SUN3: variants seen among roughly 807,000 people sequenced by gnomAD.
The protein encoded by SUN3 is Sad1 and UNC84 domain containing 3.
In SUN3, 36 loss-of-function variants were observed where a neutral mutation model predicts 48.2. That is an observed-to-expected ratio of 0.75 (90% CI 0.57 to 0.99). The LOEUF is 0.99. SUN3 is among the 50% of genes least tolerant of loss of function. The pLI, the probability that SUN3 is intolerant of heterozygous loss-of-function variation, is 0.00. For synonymous variants in SUN3, 148 were observed against 147.9 expected (o/e 1.00, Z 0.00); for missense variants, 419 against 433.1 (o/e 0.97, Z 0.29).
intron 6 of SUN3, among the ~76,000 whole-genome samples, chr7:48,005,324 C>T (rs918608849): frequency 6.6e-6 from 1 of 152,196 alleles, no homozygotes; most frequent in Non-Finnish European, 1.5e-5. Flanking sequence ...TCATGCTGTT[C>T]CAAATGCTCT....
chr7:48,011,970 T>A (rs1459006907), intron 3 of SUN3, among the ~76,000 whole-genome samples: 1 of 152,212 alleles, frequency 6.6e-6, no homozygotes, highest in Admixed American at 6.5e-5. Context: ...GGCAGGCCAA[T>A]GGCCAAAATT....
the SUN3 span, chr7:48,035,696 C>A: frequency 1.7e-6 from 1 of 597,988 alleles, no homozygotes; most frequent in Non-Finnish European, 3.0e-6. This position sits in a 1 kb window ranked among gnomAD's most constrained non-coding sequence, Gnocchi z 4.0. Context: ...GTCCACTGTG[C>A]GGAGCTCGCA....
At chr7:48,035,305 C>A in the SUN3 span, among the ~76,000 whole-genome samples, 3 of 152,184 alleles carry the variant, frequency 2.0e-5, no homozygotes, top group African/African-American at 4.8e-5. The surrounding 1 kb of genome is among the most constrained non-coding windows in gnomAD (Gnocchi z 4.0). Flanking sequence ...GCTCCCACCC[C>A]CGCTGCGTCC....
rs1451629609 is a variant in SUN3 at position 47,988,865 on chromosome 7, A to G, written c.877T>C (p.Cys293Arg). 1 of 1,603,762 alleles carries G rather than the reference A, an allele frequency of 6.2e-7. No individual in the cohort carries two copies. The highest frequency in any genetic ancestry group is 8.5e-7 in the Non-Finnish European group (1 of 1,173,194). Residue 293 changes from cysteine to arginine, a missense_variant, in exon 9 of 10, where the codon TGT becomes CGT. Cys to Arg is a radical substitution (Grantham distance 180). Coordinates refer to ENST00000297325, the MANE Select transcript of SUN3 (RefSeq NM_001030019.2). ...CCTAGGAAAATTTCTTCTCCTTCACATTTTTTTGTGATGCCCTATAAAGAA... is the reference window on the plus strand; with the variant it reads ...CCTAGGAAAATTTCTTCTCCTTCACGTTTTTTTGTGATGCCCTATAAAGAA... The part of the protein sequence containing the change: ...EFSVYGITKK[C>R]EGEEIFLGQF...
the SUN3 span, among the ~76,000 whole-genome samples, chr7:48,034,306 C>CA: frequency 6.6e-6 from 1 of 152,000 alleles, no homozygotes; most frequent in African/African-American, 2.4e-5. Context: ...AATTCCTGCA[C>CA]AAAAACTATC....
At chr7:48,000,002 CTT>C (rs1450267731) in intron 6 of SUN3, 1 of 152,258 alleles carries the variant, frequency 6.6e-6, no homozygotes, top group African/African-American at 2.4e-5. Flanking sequence ...CACCCACTGA[CTT>C]TTCCTTTATG....
At chr7:47,993,893 G>T (rs1425461585) in intron 8 of SUN3, among the ~76,000 whole-genome samples, 1 of 152,134 alleles carries the variant, frequency 6.6e-6, no homozygotes, top group Non-Finnish European at 1.5e-5. Context: ...AAGTGCCATG[G>T]AAAAGAGTTA....
intron 2 of SUN3, among the ~76,000 whole-genome samples, chr7:48,018,106 C>T (rs1789863902): frequency 6.6e-6 from 1 of 152,164 alleles, no homozygotes; most frequent in South Asian, 2.1e-4. Context: ...TACTGGGTTG[C>T]ACCTCTGGTG....
intron 2 of SUN3, among the ~76,000 whole-genome samples, chr7:48,022,286 G>A (rs1440851824): frequency 6.6e-6 from 1 of 152,090 alleles, no homozygotes; most frequent in Non-Finnish European, 1.5e-5. Flanking sequence ...TAGTGTCGAA[G>A]ATGGAGGAGG....
chr7:48,011,084 C>A (rs78356056), intron 3 of SUN3, among the ~76,000 whole-genome samples: 3 of 152,094 alleles, frequency 2.0e-5, no homozygotes, highest in African/African-American at 7.3e-5. Context: ...TAATCTAGGA[C>A]GATTTGATCT....
the SUN3 span, chr7:48,035,549 G>T: frequency 1.4e-6 from 1 of 698,426 alleles, no homozygotes; most frequent in South Asian, 1.5e-5. This position sits in a 1 kb window ranked among gnomAD's most constrained non-coding sequence, Gnocchi z 4.0. Context: ...GTTTGGGTTT[G>T]GTTGGCTGCA....
At chr7:47,998,650 TA>T (rs1271039201) in intron 6 of SUN3, among the ~76,000 whole-genome samples, 1 of 152,206 alleles carries the variant, frequency 6.6e-6, no homozygotes, top group Non-Finnish European at 1.5e-5. Context: ...AAATTTCGCT[TA>T]TTTTTTTTTC....
At chr7:48,008,602 A>G (rs1789597066) in intron 4 of SUN3, among the ~76,000 whole-genome samples, 2 of 152,236 alleles carry the variant, frequency 1.3e-5, no homozygotes, top group African/African-American at 4.8e-5. Flanking sequence ...AAGTAGAAAT[A>G]TGTAAAAGGA....
At chr7:48,004,908 A>AT (rs1789482440) in intron 6 of SUN3, among the ~76,000 whole-genome samples, 1 of 152,042 alleles carries the variant, frequency 6.6e-6, no homozygotes, top group South Asian at 2.1e-4. Context: ...TTTTGTCCGG[A>AT]TTTTTTCTCA....
upstream of SUN3, among the ~76,000 whole-genome samples, chr7:48,031,131 C>T (rs1160534263): frequency 4.6e-5 from 7 of 152,132 alleles, no homozygotes; most frequent in African/African-American, 9.7e-5. Context: ...ATAAGTGGAA[C>T]CACATCAAAC....
In SUN3 at chr7:47,998,872, G is replaced by A. The variant is rs141346611; in HGVS notation, c.578-2726C>T. ...TTGTATTGTTCCATTGATTTCACGAGTACCACATGCTCTTGATTACTGTAA... is the reference window on the plus strand; with the variant it reads ...TTGTATTGTTCCATTGATTTCACGAATACCACATGCTCTTGATTACTGTAA... On this transcript the variant is annotated intron_variant, in intron 6 of 9. Transcript: ENST00000297325. 3.0e-3 allele frequency among the ~76,000 whole-genome samples: 455 copies of A among 152,180 alleles called. 6 individuals are homozygous for A. The highest frequency in any genetic ancestry group is 0.01 in the African/African-American group (424 of 41,532).
chr7:48,017,144 A>G, intron 3 of SUN3, 118 bp downstream of exon 3: 1 of 610,402 alleles, frequency 1.6e-6, no homozygotes. Flanking sequence ...CATTTCCTAC[A>G]TTAATTTTAT....
In SUN3 at chr7:48,025,851, AAGG is replaced by A. The variant is rs1446967829; in HGVS notation, c.184+23_184+25del. ...CAGACATAACCTGTGGAATGGTTTT[AAGG>A]ATCATTACTTAGGAAGACTTACCTA... is the stretch of plus-strand genomic sequence containing the variant. On this transcript the variant is annotated intron_variant, in intron 2 of 9. Coordinates refer to ENST00000297325, the MANE Select transcript of SUN3 (RefSeq NM_001030019.2). 5 of 1,499,566 alleles carry A rather than the reference AAGG, an allele frequency of 3.3e-6. No individual in the cohort carries two copies. The African/African-American group carries it at 6.9e-5, about 21-fold the overall frequency. The allele number at this position is 1,499,566 out of a possible 1,614,324, so 92.9% of individuals were successfully genotyped here.
intron 6 of SUN3, among the ~76,000 whole-genome samples, chr7:47,997,527 ATATT>A (rs2128772144): frequency 6.6e-6 from 1 of 152,344 alleles, no homozygotes; most frequent in East Asian, 1.9e-4. Context: ...AAAATAATTC[ATATT>A]TATTCATTTT....
Sources: gnomAD v4.1 joint callset for allele counts (sites outside exome capture counted in the v4.1 genomes callset) on GRCh38, gnomAD v4.1.1 for gene constraint, Gnocchi (gnomAD v3.1) non-coding constraint, MANE v1.5 for transcripts, NCBI Gene and HGNC (gene_info 2026-07-23, HGNC 2026-07-21) for gene names.